Variants in CRTC3 observed in about 807,000 individuals in gnomAD.
CRTC3 encodes CREB-regulated transcription coactivator 3.
Under a neutral mutation model 74.5 loss-of-function variants are expected in CRTC3, and 26 were observed. That is an observed-to-expected ratio of 0.35 (90% CI 0.26 to 0.48). CRTC3 has a LOEUF of 0.48. Among genes scored for constraint, CRTC3 ranks in the 20% least tolerant of loss-of-function variants. The pLI is 0.99. For synonymous variants in CRTC3, 377 were observed against 325.8 expected, an observed-to-expected ratio of 1.16 and a Z score of -1.69; for missense variants, 760 against 787.3, an observed-to-expected ratio of 0.97 and a Z score of 0.41.
intron 2 of CRTC3, among the ~76,000 whole-genome samples, chr15:90,542,984 G>A (rs1219894509): frequency 1.3e-5 from 2 of 152,048 alleles, no homozygotes; most frequent in Admixed American, 1.3e-4. Context: ...TGTTAATGAT[G>A]ATGTTCTCTT....
chr15:90,554,313 C>T (rs1966872014), intron 2 of CRTC3, among the ~76,000 whole-genome samples: 1 of 151,782 alleles, frequency 6.6e-6, no homozygotes, highest in Non-Finnish European at 1.5e-5. Flanking sequence ...AAGCAGTTCT[C>T]TGCCTCAGCC....
At chr15:90,597,620 T>C (rs557301525) in intron 3 of CRTC3, among the ~76,000 whole-genome samples, 84 of 152,322 alleles carry the variant, frequency 5.5e-4, no homozygotes, top group Non-Finnish European at 1.0e-3. Flanking sequence ...TGACCGTATA[T>C]ATCAGGGCTC....
chr15:90,614,588 C>T, intron 7 of CRTC3, 100 bp downstream of exon 7: 2 of 815,624 alleles, frequency 2.5e-6, no homozygotes, highest in East Asian at 5.2e-5. Flanking sequence ...TTTCAGGACT[C>T]CCCCAAATGC....
rs1051875578 is a variant in CRTC3, at chr15:90,591,135, A to AT, written c.232-2492dup. Among the ~76,000 whole-genome samples the AT allele has an allele frequency of 1.4e-4, 21 of 148,460 alleles. No individual in the cohort carries two copies. In the East Asian group the frequency reaches 1.8e-3, roughly 13 times the overall value. ...ACGCCCCACTATTTTTTTTTTTTTA[A>AT]TTTTTTTTTGTAGAAGTGAGGGCTT... On this transcript the variant is annotated intron_variant, in intron 2 of 14. Coordinates refer to ENST00000268184, the MANE Select transcript of CRTC3 (RefSeq NM_022769.5).
intron 5 of CRTC3, 109 bp downstream of exon 5, chr15:90,604,556 T>C: frequency 1.2e-6 from 1 of 857,192 alleles, no homozygotes; most frequent in South Asian, 1.4e-5. Flanking sequence ...GCTGTGTTGA[T>C]ATGACATGTT....
intron 9 of CRTC3, among the ~76,000 whole-genome samples, chr15:90,624,541 C>T (rs951915853): frequency 1.4e-4 from 22 of 152,178 alleles, no homozygotes; most frequent in African/African-American, 3.6e-4. Context: ...CTTAATTCCA[C>T]GCACACACTG....
At chr15:90,580,321 C>T (rs1967507306) in intron 2 of CRTC3, among the ~76,000 whole-genome samples, 1 of 152,100 alleles carries the variant, frequency 6.6e-6, no homozygotes, top group South Asian at 2.1e-4. Context: ...CTAAGGCTCA[C>T]AGAGTGGTTA....
At chr15:90,639,729 T>G (rs976414391) in intron 13 of CRTC3, among the ~76,000 whole-genome samples, 1 of 148,020 alleles carries the variant, frequency 6.8e-6, no homozygotes, top group Non-Finnish European at 1.5e-5. Context: ...GGATTACAGG[T>G]GCGAGCCACT....
At chr15:90,559,518 C>T (rs1966966984) in intron 2 of CRTC3, among the ~76,000 whole-genome samples, 1 of 152,162 alleles carries the variant, frequency 6.6e-6, no homozygotes, top group Non-Finnish European at 1.5e-5. Flanking sequence ...AATTATTCTA[C>T]CTCCCAGGTT....
At chr15:90,586,064 G>T (rs1463804000) in intron 2 of CRTC3, among the ~76,000 whole-genome samples, 1 of 152,158 alleles carries the variant, frequency 6.6e-6, no homozygotes, top group East Asian at 1.9e-4. Context: ...GAAGCTTCAT[G>T]CAAGTACCCA....
At chr15:90,628,072 C>A (rs1968903744) in intron 10 of CRTC3, among the ~76,000 whole-genome samples, 1 of 151,090 alleles carries the variant, frequency 6.6e-6, no homozygotes, top group Admixed American at 6.6e-5. Flanking sequence ...AAAAAATTAA[C>A]CAGGCGTGGC....
chr15:90,632,527 G>GTCTT (rs1375234502), intron 11 of CRTC3, among the ~76,000 whole-genome samples: 4 of 152,160 alleles, frequency 2.6e-5, no homozygotes, highest in Non-Finnish European at 5.9e-5. Flanking sequence ...AAAAACAGCT[G>GTCTT]TCTTTCCCTC....
At chr15:90,609,506 G>T (rs1968308522) in intron 6 of CRTC3, among the ~76,000 whole-genome samples, 1 of 152,312 alleles carries the variant, frequency 6.6e-6, no homozygotes, top group East Asian at 1.9e-4. Flanking sequence ...TGGAGCTCCT[G>T]CATTTCTGCC....
At position 90,642,199 on chromosome 15, in the gene CRTC3, G is replaced by C; in HGVS notation, c.*59G>C. On this transcript the variant is annotated 3_prime_UTR_variant, in exon 15 of 15. Transcript: ENST00000268184. ...GCAACAGCCAAAATAGAATGGAATA[G>C]AATGAAGCCAGCTGATACCACGGGC... is the stretch of plus-strand genomic sequence containing the variant. 2 of 1,468,624 alleles carry C rather than the reference G, an allele frequency of 1.4e-6. No homozygotes were observed. Among genetic ancestry groups the C allele is most frequent in the Non-Finnish European group, 1.9e-6 (2 of 1,052,684 alleles). The allele number at this position is 1,468,624 out of a possible 1,614,324, so 91.0% of individuals were successfully genotyped here.
At chr15:90,582,914 C>G (rs570003397) in intron 2 of CRTC3, among the ~76,000 whole-genome samples, 2 of 152,334 alleles carry the variant, frequency 1.3e-5, no homozygotes, top group African/African-American at 4.8e-5. Context: ...GTGAGAAGCT[C>G]TGCCTGAGAC....
At chr15:90,548,671 A>T (rs1366079073) in intron 2 of CRTC3, among the ~76,000 whole-genome samples, 1 of 152,238 alleles carries the variant, frequency 6.6e-6, no homozygotes, top group Non-Finnish European at 1.5e-5. Flanking sequence ...TACTAACCAC[A>T]GCTGACATTT....
At chr15:90,587,394 A>G (rs1213519533) in intron 2 of CRTC3, among the ~76,000 whole-genome samples, 2 of 152,190 alleles carry the variant, frequency 1.3e-5, no homozygotes, top group African/African-American at 2.4e-5. Context: ...TGCCGTTAGC[A>G]TTAGCCATGT....
rs1966595608 is a variant in CRTC3, at chr15:90,529,951, C to G, written c.-121C>G. The G allele has an allele frequency of 1.3e-6, 1 of 768,540 alleles. No homozygotes were observed. Among genetic ancestry groups the G allele is most frequent in the Admixed American group, 5.7e-5 (1 of 17,424 alleles). The allele number at this position is 768,540 out of a possible 1,614,324, so 47.6% of individuals were successfully genotyped here. ...TCCGGGGCCGCGGCGGCTCCTCTGC[C>G]GGGTCGCGCCGGACGACTGGCTTCG... On this transcript the variant is annotated 5_prime_UTR_variant, in exon 1 of 15. Transcript: ENST00000268184.
intron 2 of CRTC3, among the ~76,000 whole-genome samples, chr15:90,566,195 T>C (rs1967118384): frequency 6.6e-6 from 1 of 152,110 alleles, no homozygotes; most frequent in African/African-American, 2.4e-5. Context: ...CTGAGAGAGC[T>C]GAGGAAGCTA....
Sources: gnomAD v4.1 joint callset for allele counts (sites outside exome capture counted in the v4.1 genomes callset) on GRCh38, gnomAD v4.1.1 for gene constraint, MANE v1.5 for transcripts, NCBI Gene and HGNC (gene_info 2026-07-23, HGNC 2026-07-21) for gene names.